The following KLHL20 variants were observed in gnomAD, a reference collection of about 807,000 sequenced individuals.
KLHL20 encodes the protein kelch-like protein 20.
Under a neutral mutation model 69.5 loss-of-function variants are expected in KLHL20, and 29 were observed. That is an observed-to-expected ratio of 0.42 (90% CI 0.31 to 0.57). The LOEUF is 0.57. Among genes scored for constraint, KLHL20 ranks in the 20% least tolerant of loss-of-function variants. The pLI, the probability that KLHL20 is intolerant of heterozygous loss-of-function variation, is 0.18. For missense variants in KLHL20, 419 were observed against 776.0 expected (o/e 0.54, Z 5.47); for synonymous variants, 253 against 265.2 (o/e 0.95, Z 0.45).
chr1:173,732,549 A>G (rs1672337295), intron 2 of KLHL20, among the ~76,000 whole-genome samples: 2 of 152,186 alleles, frequency 1.3e-5, no homozygotes, highest in African/African-American at 4.8e-5. Flanking sequence ...ACAATTGAAC[A>G]TGCTTAACTA....
At chr1:173,782,042 A>G (rs1648913262) in intron 10 of KLHL20, 82 bp from the exon 11 acceptor site, 2 of 937,050 alleles carry the variant, frequency 2.1e-6, no homozygotes, top group Non-Finnish European at 3.4e-6. Context: ...TCTTTTGTAA[A>G]TAGATTTATC....
intron 2 of KLHL20, among the ~76,000 whole-genome samples, chr1:173,724,154 GAT>G (rs1671842310): frequency 6.7e-6 from 1 of 150,126 alleles, no homozygotes. Flanking sequence ...ACACATACAT[GAT>G]ATATATGTTT....
At chr1:173,715,568 G>A (rs1315222350) in intron 1 of KLHL20, 1 of 155,116 alleles carries the variant, frequency 6.4e-6, no homozygotes, top group Non-Finnish European at 1.4e-5. Context: ...GGCAAATGCA[G>A]ACGCCTCCTC....
At chr1:173,785,073 G>A (rs547592116) in intron 11 of KLHL20, 90 bp from the exon 12 acceptor site, 22 of 941,618 alleles carry the variant, frequency 2.3e-5, no homozygotes, top group East Asian at 5.4e-5. Context: ...ACATAGAAAC[G>A]TGTTAATAAC....
intron 7 of KLHL20, among the ~76,000 whole-genome samples, chr1:173,765,800 A>AAT (rs770299400): frequency 2.0e-5 from 3 of 152,144 alleles, no homozygotes; most frequent in African/African-American, 7.2e-5. Flanking sequence ...CATATAAAGA[A>AAT]ATATATATAT....
chr1:173,735,370 C>T (rs557512485), intron 3 of KLHL20, among the ~76,000 whole-genome samples: 16 of 151,262 alleles, frequency 1.1e-4, no homozygotes, highest in African/African-American at 3.6e-4. Context: ...GGCTTGAGCC[C>T]AGGAGGTAGA....
intron 5 of KLHL20, among the ~76,000 whole-genome samples, chr1:173,755,059 C>CTTTTTTTTTTTTT (rs372616022): frequency 7.5e-6 from 1 of 133,544 alleles, no homozygotes. Context: ...AAGTCTTTGT[C>CTTTTTTTTTTTTT]TTTTTTTTTT....
At position 173,733,981 on chromosome 1, in the gene KLHL20, A is replaced by G; in HGVS notation, c.292A>G (p.Thr98Ala). 1 of 1,614,200 alleles carries G rather than the reference A, an allele frequency of 6.2e-7. No homozygotes were observed. Among genetic ancestry groups the G allele is most frequent in the Non-Finnish European group, 8.5e-7 (1 of 1,180,024 alleles). Residue 98 changes from threonine (T) to alanine (A), a missense_variant, in exon 3 of 12, where the codon ACA becomes GCA. Thr to Ala is a moderately conservative substitution (Grantham distance 58). Around this residue, in one of 6 missense-constraint regions of KLHL20, gnomAD observed 129 missense variants for 183.6 expected, o/e 0.70. Transcript: ENST00000209884. ...TAGTCCCTACTTCCGAGCTATGTTT[A>G]CAGGAGAATTGGCAGAGAGCCGTCA... Reference protein sequence around the residue: ...ACSPYFRAMFTGELAESRQTE... With the variant: ...ACSPYFRAMFAGELAESRQTE...
rs554600865 is a variant in KLHL20 at position 173,768,354 on chromosome 1, A to T, written c.1295+2065A>T. On this transcript the variant is annotated intron_variant, in intron 8 of 11. Transcript: ENST00000209884. ...GTGCTATGATTACTGATAAGAACATATATTTCATCCTCACATCTTAAAAAG... is the reference window on the plus strand; with the variant it reads ...GTGCTATGATTACTGATAAGAACATTTATTTCATCCTCACATCTTAAAAAG... 2.6e-5 allele frequency among the ~76,000 whole-genome samples: 4 copies of T among 152,300 alleles called. 1 individual carries two copies. The highest frequency in any genetic ancestry group is 9.6e-5 in the African/African-American group (4 of 41,578).
intron 7 of KLHL20, among the ~76,000 whole-genome samples, chr1:173,759,708 A>G (rs1673707978): frequency 6.6e-6 from 1 of 152,192 alleles, no homozygotes; most frequent in Admixed American, 6.5e-5. Context: ...TTCGTGGAAC[A>G]AAAGAATCTG....
intron 11 of KLHL20, 143 bp from the exon 12 acceptor site, chr1:173,785,020 G>A (rs892737086): frequency 1.7e-6 from 1 of 593,404 alleles, no homozygotes; most frequent in African/African-American, 1.9e-5. Context: ...TTAGAATGAA[G>A]ACAATATTAG....
At chr1:173,737,559 C>T (rs1672594448) in intron 3 of KLHL20, among the ~76,000 whole-genome samples, 2 of 152,188 alleles carry the variant, frequency 1.3e-5, no homozygotes, top group Non-Finnish European at 2.9e-5. Flanking sequence ...TCTGGGTTCT[C>T]TATTCTTTCC....
intron 2 of KLHL20, among the ~76,000 whole-genome samples, chr1:173,725,232 T>G (rs539589034): frequency 1.3e-5 from 2 of 152,362 alleles, no homozygotes; most frequent in South Asian, 4.1e-4. Context: ...CCTCCCAGCA[T>G]TCACATGAAT....
chr1:173,755,956 A>T lies in KLHL20; in HGVS notation c.885A>T (p.Leu295=). The change falls in exon 6 of 12, where the codon CTA becomes CTT. Residue 295 remains leucine, a synonymous_variant. Coordinates refer to ENST00000209884, the MANE Select transcript of KLHL20 (RefSeq NM_014458.4). Reference sequence around the variant, plus strand: ...TAGATGAGGCTAAAAACTACCTCCTATTGCCGCAAGAACGACCACTAATGC... The same window carrying T: ...TAGATGAGGCTAAAAACTACCTCCTTTTGCCGCAAGAACGACCACTAATGC... ...DLVDEAKNYL[L]LPQERPLMQG... 1 of 1,614,026 alleles carries T rather than the reference A, an allele frequency of 6.2e-7. No individual in the cohort carries two copies. The highest frequency in any genetic ancestry group is 8.5e-7 in the Non-Finnish European group (1 of 1,179,956).
chr1:173,765,366 G>T (rs1647626844), intron 7 of KLHL20, among the ~76,000 whole-genome samples: 1 of 152,142 alleles, frequency 6.6e-6, no homozygotes, highest in South Asian at 2.1e-4. Context: ...AGACGGGTGT[G>T]GTGGCGGGCG....
At chr1:173,747,828 G>A (rs986849724) in intron 3 of KLHL20, among the ~76,000 whole-genome samples, 6 of 149,344 alleles carry the variant, frequency 4.0e-5, no homozygotes, top group Non-Finnish European at 8.9e-5. Context: ...CTAGAAAAGA[G>A]CAAATTAAAC....
intron 3 of KLHL20, among the ~76,000 whole-genome samples, chr1:173,740,793 C>T (rs1438492596): frequency 3.3e-5 from 5 of 151,820 alleles, no homozygotes; most frequent in East Asian, 1.9e-4. Context: ...CTTTGGCTTC[C>T]GTGTCGTATC....
intron 2 of KLHL20, among the ~76,000 whole-genome samples, chr1:173,724,321 A>T (rs1671855348): frequency 6.6e-6 from 1 of 152,026 alleles, no homozygotes; most frequent in Non-Finnish European, 1.5e-5. Flanking sequence ...GAAAATTCTT[A>T]TGTTTGAACC....
intron 3 of KLHL20, among the ~76,000 whole-genome samples, chr1:173,745,367 T>C (rs1673010110): frequency 6.6e-6 from 1 of 151,894 alleles, no homozygotes; most frequent in South Asian, 2.1e-4. Flanking sequence ...TTCACCATGT[T>C]GGCCAGGCTG....
Sources: allele counts gnomAD v4.1 joint callset (sites outside exome capture counted in the v4.1 genomes callset), GRCh38; gene constraint gnomAD v4.1.1; regional missense constraint gnomAD v4.1.1; transcripts MANE v1.5; gene names NCBI Gene and HGNC (gene_info 2026-07-23, HGNC 2026-07-21).